The following LSM3 variants were observed in gnomAD, a reference collection of about 807,000 sequenced individuals.
The protein encoded by LSM3 is U6 snRNA-associated Sm-like protein LSm3.
LSM3 carries 14 observed loss-of-function variants against 15.4 expected under a neutral mutation model. The observed-to-expected ratio is 0.91, with a 90% CI of 0.60 to 1.42. LSM3 has a LOEUF of 1.42. Ranked by LOEUF, LSM3 falls within the 40% of genes most tolerant of loss-of-function variation. The pLI, the probability that LSM3 is intolerant of heterozygous loss-of-function variation, is 0.00. For synonymous variants in LSM3, 46 were observed against 45.1 expected, an observed-to-expected ratio of 1.02 and a Z score of -0.08; for missense variants, 88 against 127.9, an observed-to-expected ratio of 0.69 and a Z score of 1.50.
rs1464208008 is a variant in LSM3 at position 14,180,820 on chromosome 3, CCTT to C, written c.22-739_22-737del. Among the ~76,000 whole-genome samples the C allele has an allele frequency of 1.1e-3, 55 of 51,418 alleles. 7 individuals carry two copies. Among genetic ancestry groups the C allele is most frequent in the Admixed American group, 3.1e-3 (11 of 3,532 alleles). 33.7% of individuals were successfully genotyped at this position (51,418 alleles called of 152,430 possible). On this transcript the variant is annotated intron_variant, in intron 1 of 3. Coordinates refer to ENST00000306024, the MANE Select transcript of LSM3 (RefSeq NM_014463.3). ...TGACTCCAAAGCCAGTGCTTGCTTG[CCTT>C]TTTTTTTTTTTTTTTTTTTTTTTTT...
chr3:14,181,555 A>G lies in LSM3; in HGVS notation c.22-5A>G, dbSNP rs767672586. On this transcript the variant is annotated splice_region_variant and splice_polypyrimidine_tract_variant and intron_variant, in intron 1 of 3. Coordinates refer to ENST00000306024, the MANE Select transcript of LSM3 (RefSeq NM_014463.3). ...CTACATTACTAATCCTGTTTCTTTTATCAGCAACAAACTACCAACACTGTA... is the reference window on the plus strand; with the variant it reads ...CTACATTACTAATCCTGTTTCTTTTGTCAGCAACAAACTACCAACACTGTA... The G allele has an allele frequency of 1.3e-6, 2 of 1,590,710 alleles. No individual in the cohort carries two copies. Among genetic ancestry groups the G allele is most frequent in the Non-Finnish European group, 8.6e-7 (1 of 1,158,792 alleles).
chr3:14,195,573 A>T (rs1330229398), intron 3 of LSM3, among the ~76,000 whole-genome samples: 1 of 152,252 alleles, frequency 6.6e-6, no homozygotes, highest in Non-Finnish European at 1.5e-5. Flanking sequence ...TGTATTTTAA[A>T]AAGAGGCCCC....
rs191908977 is a variant in LSM3 at position 14,200,442 on chromosome 3, T to C, written c.*2326T>C. On this transcript the variant is annotated 3_prime_UTR_variant, in exon 4 of 4. Transcript: ENST00000306024. ...GCCCCTGGGAGCCACGCCTTGGACT[T>C]CTGAGTCTGCAGAGCACTCGGCTCC... 4 of 152,260 alleles carry C rather than the reference T, an allele frequency of 2.6e-5. No individual in the cohort carries two copies. The highest frequency in any genetic ancestry group is 6.5e-5 in the Admixed American group (1 of 15,282). 9.4% of individuals were successfully genotyped at this position (152,260 alleles called of 1,614,324 possible).
At chr3:14,188,358 C>T (rs1477530714) in intron 3 of LSM3, among the ~76,000 whole-genome samples, 3 of 152,158 alleles carry the variant, frequency 2.0e-5, no homozygotes, top group African/African-American at 7.2e-5. Context: ...TCCATATCAC[C>T]GTATAGTACT....
At chr3:14,187,472 G>A (rs1697099520) in intron 3 of LSM3, among the ~76,000 whole-genome samples, 1 of 152,192 alleles carries the variant, frequency 6.6e-6, no homozygotes, top group Admixed American at 6.5e-5. Flanking sequence ...GAATACTTTA[G>A]TGTGTAAATG....
chr3:14,197,159 A>G (rs1175778106), intron 3 of LSM3, among the ~76,000 whole-genome samples: 1 of 152,240 alleles, frequency 6.6e-6, no homozygotes, highest in Non-Finnish European at 1.5e-5. Flanking sequence ...TCTAAAAGCC[A>G]GTGGCTTTTC....
intron 1 of LSM3, among the ~76,000 whole-genome samples, chr3:14,180,879 C>A (rs1697031645): frequency 8.8e-6 from 1 of 113,928 alleles, no homozygotes; most frequent in African/African-American, 3.4e-5. Context: ...AGACAAGAGT[C>A]TCACTCTGTT....
intron 3 of LSM3, among the ~76,000 whole-genome samples, chr3:14,196,549 A>G (rs1304453138): frequency 6.6e-6 from 1 of 152,238 alleles, no homozygotes; most frequent in African/African-American, 2.4e-5. Flanking sequence ...GAAGGAAGGA[A>G]TGAGAAACAT....
intron 2 of LSM3, 127 bp from the exon 3 acceptor site, chr3:14,183,810 A>G (rs1362549306): frequency 3.5e-6 from 2 of 576,632 alleles, no homozygotes; most frequent in Non-Finnish European, 5.9e-6. Context: ...TTTTATTTGC[A>G]TGTAAAAGTT....
chr3:14,198,378 C>G lies in LSM3; in HGVS notation c.*262C>G. The G allele has an allele frequency of 2.2e-6, 1 of 451,102 alleles. No individual in the cohort carries two copies. Among genetic ancestry groups the G allele is most frequent in the South Asian group, 3.7e-5 (1 of 27,044 alleles). 27.9% of individuals were successfully genotyped at this position (451,102 alleles called of 1,614,324 possible). ...TCAGGACTTCTTTTGCTCCATTATT[C>G]TCACAGATACTTACTGATTTTTCTT... On this transcript the variant is annotated 3_prime_UTR_variant, in exon 4 of 4. Transcript: ENST00000306024.
chr3:14,185,132 C>G (rs1574988098), intron 3 of LSM3, among the ~76,000 whole-genome samples: 1 of 152,120 alleles, frequency 6.6e-6, no homozygotes, highest in East Asian at 1.9e-4. Flanking sequence ...GGGTGGATCA[C>G]CTGAGGTCAG....
intron 3 of LSM3, among the ~76,000 whole-genome samples, chr3:14,197,785 A>G (rs964080442): frequency 5.9e-5 from 9 of 152,248 alleles, no homozygotes; most frequent in Admixed American, 3.3e-4. Flanking sequence ...GCAAGGAAGA[A>G]TAAGAAACAT....
At position 14,198,336 on chromosome 3, in the gene LSM3, C is replaced by T. The variant is rs944200184; in HGVS notation, c.*220C>T. On this transcript the variant is annotated 3_prime_UTR_variant, in exon 4 of 4. Coordinates refer to ENST00000306024, the MANE Select transcript of LSM3 (RefSeq NM_014463.3). Reference sequence around the variant, plus strand: ...CAAGCTCTCCAATAAATATGACCACCAAGATGCAGAACTCTTTCAGGACTT... The same window carrying T: ...CAAGCTCTCCAATAAATATGACCACTAAGATGCAGAACTCTTTCAGGACTT... The T allele has an allele frequency of 1.9e-6, 1 of 520,808 alleles. No individual in the cohort carries two copies. The highest frequency in any genetic ancestry group is 1.9e-5 in the African/African-American group (1 of 52,402). 32.3% of individuals were successfully genotyped at this position (520,808 alleles called of 1,614,324 possible).
intron 1 of LSM3, among the ~76,000 whole-genome samples, chr3:14,180,857 T>TTTTA (rs1559390244): frequency 6.2e-5 from 4 of 64,816 alleles, no homozygotes; most frequent in East Asian, 8.0e-4. Context: ...TTTTTTTTTT[T>TTTTA]AAAAAAAAAA....
intron 3 of LSM3, among the ~76,000 whole-genome samples, chr3:14,197,616 A>G (rs538558829): frequency 3.9e-5 from 6 of 152,368 alleles, no homozygotes; most frequent in South Asian, 4.1e-4. Flanking sequence ...GGCTTCACCT[A>G]TCAGTGGCTC....
At chr3:14,183,843 C>G in intron 2 of LSM3, 94 bp from the exon 3 acceptor site, 2 of 832,452 alleles carry the variant, frequency 2.4e-6, no homozygotes, top group Non-Finnish European at 3.7e-6. Flanking sequence ...ATCAAATGCC[C>G]TAGTTGTAAT....
Position 14,201,083 on chromosome 3 carries a change from TTAATA to T in LSM3, c.*2968_*2972del, listed in dbSNP as rs1386957373. On this transcript the variant is annotated 3_prime_UTR_variant, in exon 4 of 4. Transcript: ENST00000306024. ...GCTCAGCTGTGTTCAATGTAGAAAA[TTAATA>T]AAAGTTCCAGGAGTCATCCTGGCTA... 6.6e-6 allele frequency: 1 copy of T among 152,182 alleles called. No individual in the cohort carries two copies. The highest frequency in any genetic ancestry group is 1.5e-5 in the Non-Finnish European group (1 of 68,036). The allele number at this position is 152,182 out of a possible 1,614,324, so 9.4% of individuals were successfully genotyped here. A position where few individuals can be genotyped will look rare whatever the true frequency, so the allele number is the denominator to read the frequency against.
rs1559390174 is a variant in LSM3 at position 14,180,838 on chromosome 3, TTTTTTTTTTTTTTTTTTTTAA to T, written c.22-721_22-701del. 5.0e-3 allele frequency among the ~76,000 whole-genome samples: 620 copies of T among 124,574 alleles called. 13 individuals are homozygous for T. The highest frequency in any genetic ancestry group is 0.02 in the African/African-American group (593 of 29,844). The allele number at this position is 124,574 out of a possible 152,430, so 81.7% of individuals were successfully genotyped here. On this transcript the variant is annotated intron_variant, in intron 1 of 3. Coordinates refer to ENST00000306024, the MANE Select transcript of LSM3 (RefSeq NM_014463.3). The stretch of plus-strand genomic sequence containing the variant: ...TTGCTTGCCTTTTTTTTTTTTTTTT[TTTTTTTTTTTTTTTTTTTTAA>T]AAAAAAAAAAGACAAGAGTCTCACT...
chr3:14,188,072 C>T (rs1366580112), intron 3 of LSM3, among the ~76,000 whole-genome samples: 2 of 152,172 alleles, frequency 1.3e-5, no homozygotes, highest in Non-Finnish European at 2.9e-5. Flanking sequence ...CATCAGATGG[C>T]TCTTCTAGAC....
Sources: gnomAD v4.1 joint callset for allele counts (sites outside exome capture counted in the v4.1 genomes callset) on GRCh38, gnomAD v4.1.1 for gene constraint, MANE v1.5 for transcripts, NCBI Gene and HGNC (gene_info 2026-07-23, HGNC 2026-07-21) for gene names.